The following LRP2 variants were observed in gnomAD, a reference collection of about 807,000 sequenced individuals.
The protein encoded by LRP2 is LDL receptor related protein 2, also known as low-density lipoprotein receptor-related protein 2.
LRP2 carries 172 observed loss-of-function variants against 531.0 expected under a neutral mutation model. That is an observed-to-expected ratio of 0.32 (90% confidence interval 0.29 to 0.37). The LOEUF (loss-of-function observed/expected upper bound fraction) is 0.37. LRP2 is among the 10% of genes least tolerant of loss of function. The pLI, the probability that LRP2 is intolerant of heterozygous loss-of-function variation, is 1.00. For synonymous variants in LRP2, 1,992 were observed against 2,027.6 expected, an observed-to-expected ratio of 0.98 and a Z score of 0.47; for missense variants, 5,167 against 5,868.3, an observed-to-expected ratio of 0.88 and a Z score of 3.90.
rs201591789 is a variant in LRP2, at chr2:169,259,062, T to A, written c.2476A>T (p.Asn826Tyr). 2.3e-4 allele frequency: 367 copies of A among 1,613,228 alleles called. No homozygotes were observed. The highest frequency in any genetic ancestry group is 2.7e-4 in the Non-Finnish European group (323 of 1,179,588). ...TGAACTACCACCGACCGTGGGTTAT[T>A]TAAATACTGAACTACTGTGCGTCTC... The part of the protein sequence containing the change: ...KTRRTVVQYL[N>Y]NPRSVVVHPF... Residue 826 changes from asparagine (N) to tyrosine (Y), a missense_variant, in exon 17 of 79, where the codon AAT becomes TAT. By Grantham distance (143) the Asn-to-Tyr change is moderately radical. Coordinates refer to ENST00000649046, the MANE Select transcript of LRP2 (RefSeq NM_004525.3).
chr2:169,175,484 T>C (rs1427286906), intron 54 of LRP2, 95 bp from the exon 55 acceptor site: 2 of 1,134,964 alleles, frequency 1.8e-6, no homozygotes, highest in Non-Finnish European at 2.6e-6. Flanking sequence ...AGAAATGACA[T>C]GCATGAGCTC....
chr2:169,182,879 T>C (rs926089704), intron 50 of LRP2, among the ~76,000 whole-genome samples: 1 of 152,206 alleles, frequency 6.6e-6, no homozygotes, highest in Non-Finnish European at 1.5e-5. Flanking sequence ...CTAAGAAGCT[T>C]TAGAAACATA....
intron 38 of LRP2, among the ~76,000 whole-genome samples, chr2:169,207,909 C>G (rs1688453274): frequency 6.6e-6 from 1 of 152,194 alleles, no homozygotes; most frequent in Admixed American, 6.5e-5. Flanking sequence ...AGTTGAAAGT[C>G]TGTTGTTGAA....
chr2:169,196,760 C>T (rs747642759), intron 46 of LRP2, 151 bp downstream of exon 46: 28 of 1,044,278 alleles, frequency 2.7e-5, no homozygotes, highest in South Asian at 4.0e-5. Flanking sequence ...AATGAATATC[C>T]GCTGAGCGGT....
At chr2:169,166,245 A>T (rs1301483333) in intron 61 of LRP2, among the ~76,000 whole-genome samples, 191 bp from the exon 62 acceptor site, 1 of 152,234 alleles carries the variant, frequency 6.6e-6, no homozygotes, top group Non-Finnish European at 1.5e-5. Context: ...AGTAGATATG[A>T]TGGGAAACAA....
At chr2:169,269,069 G>A (rs1349662635) in intron 16 of LRP2, among the ~76,000 whole-genome samples, 1 of 152,040 alleles carries the variant, frequency 6.6e-6, no homozygotes, top group Non-Finnish European at 1.5e-5. Context: ...CCTCTTCAAG[G>A]AGAACTACAA....
intron 31 of LRP2, among the ~76,000 whole-genome samples, chr2:169,231,172 T>C (rs1453077680): frequency 6.6e-6 from 1 of 151,990 alleles, no homozygotes; most frequent in Non-Finnish European, 1.5e-5. Context: ...CGTGCACCTA[T>C]AGTCTCATCT....
chr2:169,195,319 T>C (rs1363121439), intron 46 of LRP2, among the ~76,000 whole-genome samples: 3 of 152,162 alleles, frequency 2.0e-5, no homozygotes, highest in Admixed American at 1.3e-4. Context: ...ACTCCATCTG[T>C]TTTTTTAAAA....
intron 59 of LRP2, 75 bp from the exon 60 acceptor site, chr2:169,169,893 G>A: frequency 1.0e-6 from 1 of 998,150 alleles, no homozygotes; most frequent in South Asian, 1.3e-5. Context: ...GAGTATAGTG[G>A]TTACTCCATC....
chr2:169,244,810 C>T lies in LRP2; in HGVS notation c.3313G>A (p.Ala1105Thr), dbSNP rs377021833. 101 of 1,614,222 alleles carry T rather than the reference C, an allele frequency of 6.3e-5. 1 individual carries two copies. The highest frequency in any genetic ancestry group is 1.6e-4 in the Middle Eastern group (1 of 6,062). ...GSDEHNCPTH[A>T]PASCLDTQYT... ...TGGGTGTCAAGGCAGGAAGCAGGTG[C>T]GTGGGTGGGGCAGTTGTGCTCATCA... is the stretch of plus-strand genomic sequence containing the variant. The change falls in exon 22 of 79, where the codon GCA (alanine) becomes ACA (threonine). Residue 1105 changes from alanine to threonine, a missense_variant. Physicochemically the swap from Ala to Thr is moderately conservative, Grantham distance 58. Transcript: ENST00000649046.
chr2:169,243,158 T>C, intron 23 of LRP2, 86 bp from the exon 24 acceptor site: 1 of 1,167,760 alleles, frequency 8.6e-7, no homozygotes. Flanking sequence ...TTGTTATACT[T>C]TAAGTTCTGG....
At chr2:169,220,059 C>T (rs1688933832) in intron 34 of LRP2, among the ~76,000 whole-genome samples, 1 of 152,160 alleles carries the variant, frequency 6.6e-6, no homozygotes, top group Non-Finnish European at 1.5e-5. Context: ...TGCCTGGTTG[C>T]AACCCATTCT....
chr2:169,272,352 A>G (rs1323500742), intron 15 of LRP2, among the ~76,000 whole-genome samples: 1 of 152,176 alleles, frequency 6.6e-6, no homozygotes. Context: ...GGCAGATACA[A>G]GAAAGTTTGA....
intron 1 of LRP2, among the ~76,000 whole-genome samples, chr2:169,346,723 T>C (rs543669689): frequency 1.3e-5 from 2 of 152,288 alleles, no homozygotes; most frequent in Non-Finnish European, 2.9e-5. Context: ...ATAGTAATCA[T>C]TATGGTCTAG....
At chr2:169,269,480 C>T (rs566094300) in intron 16 of LRP2, among the ~76,000 whole-genome samples, 3 of 152,156 alleles carry the variant, frequency 2.0e-5, no homozygotes, top group African/African-American at 7.2e-5. Flanking sequence ...CTTTGACAAA[C>T]CTGACAAAAA....
At position 169,271,000 on chromosome 2, in the gene LRP2, A is replaced by G. The variant is rs770091898; in HGVS notation, c.2224T>C (p.Phe742Leu). The G allele has an allele frequency of 1.4e-5, 22 of 1,613,392 alleles. 2 individuals are homozygous for G. In the South Asian group the frequency reaches 2.3e-4, roughly 17 times the overall value. ...GCGTCAAAATCAATCCCGACAAAGAAAGAAGGATTCCCCGAAACTGGAACC... is the reference window on the plus strand; with the variant it reads ...GCGTCAAAATCAATCCCGACAAAGAGAGAAGGATTCCCCGAAACTGGAACC... The part of the protein sequence containing the change: ...VMVPVSGNPS[F>L]FVGIDFDAQD... Residue 742 changes from phenylalanine (F) to leucine (L), a missense_variant, in exon 16 of 79, where the codon TTC (phenylalanine) becomes CTC (leucine). Transcript: ENST00000649046.
rs1483233129 is a variant in LRP2 at position 169,320,783 on chromosome 2, C to T, written c.181G>A (p.Gly61Ser). ...KDCSDDADEI[G>S]CAVVTCQQGY... The stretch of plus-strand genomic sequence containing the variant: ...CTGGCCCCTCCTCACTTACCGCAGC[C>T]AATTTCATCCGCGTCATCTGAACAG... The change falls in exon 2 of 79, where the codon GGC becomes AGC. Residue 61 changes from glycine to serine, a missense_variant. By Grantham distance (56) the Gly-to-Ser change is moderately conservative. Around this residue, in one of 6 missense-constraint regions of LRP2, gnomAD observed 2,811 missense variants for 3,058.0 expected, o/e 0.92. Transcript: ENST00000649046. 8 of 1,613,840 alleles carry T rather than the reference C, an allele frequency of 5.0e-6. No homozygotes were observed. Among genetic ancestry groups the T allele is most frequent in the Non-Finnish European group, 5.9e-6 (7 of 1,179,844 alleles).
intron 50 of LRP2, chr2:169,182,533 T>C (rs190392449): frequency 7.0e-7 from 1 of 1,427,198 alleles, no homozygotes; most frequent in Admixed American, 2.5e-5. Flanking sequence ...ATTCCCACTT[T>C]AAGGTGGTGT....
At position 169,238,167 on chromosome 2, in the gene LRP2, C is replaced by T. The variant is rs536852044; in HGVS notation, c.4430G>A (p.Ser1477Asn). The T allele has an allele frequency of 1.9e-6, 3 of 1,614,168 alleles. No homozygotes were observed. Among genetic ancestry groups the T allele is most frequent in the African/African-American group, 1.3e-5 (1 of 75,054 alleles). The change falls in exon 27 of 79, where the codon AGT becomes AAT. Residue 1477 changes from serine to asparagine, a missense_variant. Around this residue, in one of 6 missense-constraint regions of LRP2, gnomAD observed 2,811 missense variants for 3,058.0 expected, o/e 0.92. Transcript: ENST00000649046. ...YIVAVDFDSI[S>N]GRIFWSDATQ... Reference sequence around the variant, plus strand: ...TGCATCAGACCAAAAGATACGACCACTAATTGAATCAAAATCAACAGCTAC... The same window carrying T: ...TGCATCAGACCAAAAGATACGACCATTAATTGAATCAAAATCAACAGCTAC...
Sources: gnomAD v4.1 joint callset for allele counts (sites outside exome capture counted in the v4.1 genomes callset) on GRCh38, gnomAD v4.1.1 for gene constraint, gnomAD v4.1.1 regional missense constraint, MANE v1.5 for transcripts, NCBI Gene and HGNC (gene_info 2026-07-23, HGNC 2026-07-21) for gene names.